Variants in WNT10A observed in about 807,000 individuals in gnomAD.
WNT10A encodes Wnt family member 10A.
WNT10A carries 37 observed loss-of-function variants against 36.1 expected under a neutral mutation model. The observed-to-expected ratio is 1.02, with a 90% confidence interval of 0.79 to 1.35. The LOEUF (loss-of-function observed/expected upper bound fraction) is 1.35, where lower values mean the gene tolerates loss of function less well. Among genes scored for constraint, WNT10A ranks in the 40% most tolerant of loss-of-function variants. The pLI is 0.00. For synonymous variants in WNT10A, 255 were observed against 254.1 expected (o/e 1.00, Z -0.03); for missense variants, 613 against 601.4 (o/e 1.02, Z -0.20).
At position 218,890,363 on chromosome 2, in the gene WNT10A, G is replaced by A. The variant is rs768536054; in HGVS notation, c.756G>A (p.Gln252=). Residue 252 remains glutamine (Q), a splice_region_variant and synonymous_variant, in exon 3 of 4, where the codon CAG becomes CAA. Coordinates refer to ENST00000258411, the MANE Select transcript of WNT10A (RefSeq NM_025216.3). ...TTCACAACAACCGAGTTGGGAGGCA[G>A]GTGAGAGCCCCACCCCTGGGTCTGC... The part of the protein sequence containing the change: ...MRLHNNRVGR[Q]AVMENMRRKC... 1.9e-6 allele frequency: 3 copies of A among 1,599,548 alleles called. No homozygotes were observed. Among genetic ancestry groups the A allele is most frequent in the African/African-American group, 1.3e-5 (1 of 74,910 alleles).
In WNT10A at chr2:218,880,990, C is replaced by A. The variant is rs1944505184; in HGVS notation, c.-6C>A. The A allele has an allele frequency of 6.4e-7, 1 of 1,566,392 alleles. No individual in the cohort carries two copies. The highest frequency in any genetic ancestry group is 1.9e-5 in the Admixed American group (1 of 53,810). ...CCCACTCCCAGCCCGTCAGGGCCTG[C>A]GCGCCATGGGCAGCGCCCACCCTCG... On this transcript the variant is annotated 5_prime_UTR_variant, in exon 1 of 4. Transcript: ENST00000258411. The surrounding 1 kb of genome is among the most constrained non-coding windows in gnomAD (Gnocchi z 7.7).
intron 2 of WNT10A, among the ~76,000 whole-genome samples, chr2:218,886,727 C>T (rs1944582778): frequency 6.7e-6 from 1 of 148,892 alleles, no homozygotes; most frequent in Non-Finnish European, 1.5e-5. Context: ...GTGCCTGTGT[C>T]TGCCCCAGAC....
At chr2:218,889,911 T>G (rs1944624806) in intron 2 of WNT10A, 73 bp from the exon 3 acceptor site, 1,533 of 1,591,170 alleles carry the variant, frequency 9.6e-4, no homozygotes, top group Non-Finnish European at 1.2e-3. Context: ...CTTGGAATGA[T>G]GAGAAAGGTG....
chr2:218,882,193 T>TC lies in WNT10A; in HGVS notation c.152dup (p.Glu52GlyfsTer29), dbSNP rs749297006. ...CCCAATGACATTCTGGACCTCCGCCTCCCCCCGGAGCCCGTGCTCAATGCC... is the reference window on the plus strand; with the variant it reads ...CCCAATGACATTCTGGACCTCCGCCTCCCCCCCGGAGCCCGTGCTCAATGCC... On this transcript the variant is annotated frameshift_variant, in exon 2 of 4. Coordinates refer to ENST00000258411, the MANE Select transcript of WNT10A (RefSeq NM_025216.3). LOFTEE classifies it high-confidence loss of function. 2 of 1,613,578 alleles carry TC rather than the reference T, an allele frequency of 1.2e-6. No individual in the cohort carries two copies. Among genetic ancestry groups the TC allele is most frequent in the African/African-American group, 1.3e-5 (1 of 74,754 alleles).
chr2:218,878,681 T>C (rs775195698), upstream of WNT10A, among the ~76,000 whole-genome samples: 3 of 152,120 alleles, frequency 2.0e-5, no homozygotes, highest in East Asian at 1.9e-4. This position sits in a 1 kb window ranked among gnomAD's most constrained non-coding sequence, Gnocchi z 4.1. Flanking sequence ...CAGGGGACAC[T>C]TGTGCTGCAT....
intron 2 of WNT10A, among the ~76,000 whole-genome samples, chr2:218,883,352 G>A (rs1434621729): frequency 6.6e-6 from 1 of 152,132 alleles, no homozygotes; most frequent in Non-Finnish European, 1.5e-5. Flanking sequence ...TGGAGTGGGA[G>A]AGGTACACAT....
At chr2:218,885,860 A>G (rs1465524497) in intron 2 of WNT10A, among the ~76,000 whole-genome samples, 2 of 152,230 alleles carry the variant, frequency 1.3e-5, no homozygotes, top group African/African-American at 2.4e-5. Flanking sequence ...AACGATACCC[A>G]ATTAATTAGC....
intron 2 of WNT10A, among the ~76,000 whole-genome samples, chr2:218,885,127 C>T (rs769003203): frequency 2.0e-5 from 3 of 152,132 alleles, no homozygotes; most frequent in Non-Finnish European, 4.4e-5. Flanking sequence ...TGCAATAGGG[C>T]TTTGCCCAGC....
In WNT10A at chr2:218,893,040, G is replaced by A. The variant is rs772468324; in HGVS notation, c.1023G>A (p.Lys341=). ...CCGCCGACCTGGTCTACTTCGAAAA[G>A]TCTCCCGACTTCTGCGAGCGCGAGC... ...ASPADLVYFE[K]SPDFCEREPR... The change falls in exon 4 of 4, where the codon AAG becomes AAA. Residue 341 remains lysine, a synonymous_variant. Transcript: ENST00000258411. The surrounding 1 kb of genome is among the most constrained non-coding windows in gnomAD (Gnocchi z 6.3). 1 of 1,595,756 alleles carries A rather than the reference G, an allele frequency of 6.3e-7. No individual in the cohort carries two copies. Among genetic ancestry groups the A allele is most frequent in the African/African-American group, 1.3e-5 (1 of 74,824 alleles).
chr2:218,876,499 A>G (rs1356085414), upstream of WNT10A, among the ~76,000 whole-genome samples: 2 of 152,094 alleles, frequency 1.3e-5, no homozygotes, highest in Non-Finnish European at 2.9e-5. Context: ...GGGAAGGTTG[A>G]GGCACCAGGG....
Position 218,893,381 on chromosome 2 carries a change from T to C in WNT10A, c.*110T>C. The C allele has an allele frequency of 1.4e-6, 2 of 1,414,724 alleles. No homozygotes were observed. Among genetic ancestry groups the C allele is most frequent in the Non-Finnish European group, 1.9e-6 (2 of 1,069,444 alleles). 87.6% of individuals were successfully genotyped at this position (1,414,724 alleles called of 1,614,324 possible). On this transcript the variant is annotated 3_prime_UTR_variant, in exon 4 of 4. Coordinates refer to ENST00000258411, the MANE Select transcript of WNT10A (RefSeq NM_025216.3). The surrounding 1 kb of genome is among the most constrained non-coding windows in gnomAD (Gnocchi z 6.3). ...CGCCTTGGCTCTTGGGAAGAGGAGA[T>C]TGGACCACATGATCTTATAGGAACC...
At chr2:218,886,846 G>A (rs1371835683) in intron 2 of WNT10A, among the ~76,000 whole-genome samples, 1 of 152,240 alleles carries the variant, frequency 6.6e-6, no homozygotes, top group East Asian at 1.9e-4. Flanking sequence ...GGCCACACAG[G>A]CCCTGCCTTG....
upstream of WNT10A, among the ~76,000 whole-genome samples, chr2:218,880,185 T>A (rs958664604): frequency 3.0e-4 from 46 of 151,964 alleles, no homozygotes; most frequent in Non-Finnish European, 6.5e-4. The surrounding 1 kb of genome is among the most constrained non-coding windows in gnomAD (Gnocchi z 7.7). Context: ...GCCCCTCCCC[T>A]CCAGCCCCTG....
Position 218,881,017 on chromosome 2 carries a change from C to T in WNT10A, c.22C>T (p.Pro8Ser). The change falls in exon 1 of 4, where the codon CCC becomes TCC. Residue 8 changes from proline (P) to serine (S), a missense_variant. Pro to Ser is a moderately conservative substitution (Grantham distance 74). Transcript: ENST00000258411. MGSAHPR[P>S]WLRLRPQPQP... ...CGCCATGGGCAGCGCCCACCCTCGC[C>T]CCTGGCTGCGGCTCCGACCCCAGCC... is the stretch of plus-strand genomic sequence containing the variant. 3.8e-6 allele frequency: 6 copies of T among 1,592,786 alleles called. No individual in the cohort carries two copies. The highest frequency in any genetic ancestry group is 5.1e-6 in the Non-Finnish European group (6 of 1,169,598).
At chr2:218,889,881 A>T in intron 2 of WNT10A, 103 bp from the exon 3 acceptor site, 2 of 1,579,908 alleles carry the variant, frequency 1.3e-6, no homozygotes. Context: ...ACTCTCCTGC[A>T]TACTGGGCTT....
At chr2:218,882,505 C>A (rs916220504) in intron 2 of WNT10A, 82 bp downstream of exon 2, 287 of 1,554,214 alleles carry the variant, frequency 1.8e-4, no homozygotes, top group Non-Finnish European at 2.3e-4. Context: ...TTCTAACCCA[C>A]TGCCTCAAGC....
chr2:218,874,413 C>A, the WNT10A span, among the ~76,000 whole-genome samples: 2 of 152,326 alleles, frequency 1.3e-5, no homozygotes, highest in South Asian at 2.1e-4. Flanking sequence ...ACTCCTGTCA[C>A]ACATCTAGGT....
chr2:218,882,327 C>T lies in WNT10A; in HGVS notation c.280C>T (p.His94Tyr), dbSNP rs1326361907. The T allele has an allele frequency of 1.2e-6, 2 of 1,614,184 alleles. No homozygotes were observed. Among genetic ancestry groups the T allele is most frequent in the Admixed American group, 3.3e-5 (2 of 60,034 alleles). The change falls in exon 2 of 4, where the codon CAC becomes TAC. Residue 94 changes from histidine (H) to tyrosine (Y), a missense_variant. Physicochemically the swap from His to Tyr is moderately conservative, Grantham distance 83 (BLOSUM62 2). Coordinates refer to ENST00000258411, the MANE Select transcript of WNT10A (RefSeq NM_025216.3). ...CATACAGGGCATCCAGATCGCCATC[C>T]ACGAATGCCAACACCAATTCAGGGA... ...SAIQGIQIAI[H>Y]ECQHQFRDQR...
chr2:218,876,056 C>T (rs1169995931), upstream of WNT10A, among the ~76,000 whole-genome samples: 3 of 152,204 alleles, frequency 2.0e-5, no homozygotes, highest in Non-Finnish European at 4.4e-5. Context: ...TTATCTCTGC[C>T]TCTCTTGGCA....
Sources: gnomAD v4.1 joint callset for allele counts (sites outside exome capture counted in the v4.1 genomes callset) on GRCh38, gnomAD v4.1.1 for gene constraint, Gnocchi (gnomAD v3.1) non-coding constraint, MANE v1.5 for transcripts, NCBI Gene and HGNC (gene_info 2026-07-23, HGNC 2026-07-21) for gene names.